The following TBC1D5 variants were observed in gnomAD, a reference collection of about 807,000 sequenced individuals.
TBC1D5 encodes TBC1 domain family, member 5.
TBC1D5 carries 75 observed loss-of-function variants against 100.3 expected under a neutral mutation model. That is an observed-to-expected ratio of 0.75 (90% CI 0.62 to 0.91). The LOEUF (loss-of-function observed/expected upper bound fraction) is 0.91, where lower values mean the gene tolerates loss of function less well. TBC1D5 is among the 40% of genes least tolerant of loss of function. The probability of loss-of-function intolerance (pLI) is 0.00; values close to 1 mark genes in which losing one functional copy is unlikely to be tolerated. For missense variants in TBC1D5, 910 were observed against 942.4 expected (o/e 0.97, Z 0.45); for synonymous variants, 323 against 325.6 (o/e 0.99, Z 0.09).
intron 8 of TBC1D5, 96 bp from the exon 9 acceptor site, chr3:17,384,111 GT>G: frequency 9.5e-7 from 1 of 1,057,152 alleles, no homozygotes; most frequent in Non-Finnish European, 1.4e-6. Flanking sequence ...GCTGCTTCAG[GT>G]TTTAGAACAA....
intron 1 of TBC1D5, among the ~76,000 whole-genome samples, chr3:17,697,644 T>C (rs562988326): frequency 3.9e-5 from 6 of 152,300 alleles, no homozygotes; most frequent in African/African-American, 1.2e-4. Context: ...CGCTCACGGA[T>C]AGGAAGAATC....
chr3:17,512,004 A>AT (rs912050752), intron 2 of TBC1D5, among the ~76,000 whole-genome samples: 11 of 151,772 alleles, frequency 7.2e-5, no homozygotes, highest in Non-Finnish European at 1.5e-4. Flanking sequence ...TGCTGCTTTC[A>AT]TTTTTTTTAT....
At chr3:17,725,371 A>C (rs1033705319) in intron 1 of TBC1D5, among the ~76,000 whole-genome samples, 1 of 151,966 alleles carries the variant, frequency 6.6e-6, no homozygotes, top group Non-Finnish European at 1.5e-5. Flanking sequence ...TGTTATAACT[A>C]CTTAGGAGCG....
intron 13 of TBC1D5, among the ~76,000 whole-genome samples, chr3:17,342,883 T>C (rs1288048507): frequency 6.6e-6 from 1 of 152,220 alleles, no homozygotes; most frequent in African/African-American, 2.4e-5. Flanking sequence ...CTTATATGTA[T>C]ATACTATTAC....
At chr3:17,191,808 G>C (rs1304949311) in intron 18 of TBC1D5, among the ~76,000 whole-genome samples, 1 of 151,418 alleles carries the variant, frequency 6.6e-6, no homozygotes, top group South Asian at 2.1e-4. Context: ...ATTTTTAGTA[G>C]AGATGGGGTT....
intron 2 of TBC1D5, among the ~76,000 whole-genome samples, chr3:17,584,883 C>T (rs777653707): frequency 6.6e-6 from 1 of 152,158 alleles, no homozygotes; most frequent in Non-Finnish European, 1.5e-5. Flanking sequence ...TTCTCGAACT[C>T]CTGACCTCGT....
intron 2 of TBC1D5, among the ~76,000 whole-genome samples, chr3:17,553,890 C>A (rs2096494002): frequency 6.6e-6 from 1 of 152,152 alleles, no homozygotes; most frequent in Non-Finnish European, 1.5e-5. Context: ...TGACAACAAT[C>A]CAAGTATTTA....
chr3:17,672,027 G>A (rs1029028202), intron 1 of TBC1D5, among the ~76,000 whole-genome samples: 1 of 152,186 alleles, frequency 6.6e-6, no homozygotes, highest in Non-Finnish European at 1.5e-5. Flanking sequence ...TCTAACATTC[G>A]GCATTCTATA....
chr3:17,232,103 G>A (rs989565294), intron 17 of TBC1D5, among the ~76,000 whole-genome samples: 75 of 152,198 alleles, frequency 4.9e-4, no homozygotes, highest in African/African-American at 1.8e-3. Context: ...TATATAACAC[G>A]AGGTATTTGA....
intron 2 of TBC1D5, among the ~76,000 whole-genome samples, chr3:17,551,918 G>C (rs1438743621): frequency 6.6e-6 from 1 of 152,060 alleles, no homozygotes; most frequent in Non-Finnish European, 1.5e-5. Context: ...GAAATTCACA[G>C]ATGAAGTTTT....
chr3:17,590,949 A>C (rs2096763271), intron 2 of TBC1D5, among the ~76,000 whole-genome samples: 1 of 152,072 alleles, frequency 6.6e-6, no homozygotes, highest in South Asian at 2.1e-4. Flanking sequence ...TCATAAAAAC[A>C]GAGAATCGGG....
intron 13 of TBC1D5, among the ~76,000 whole-genome samples, chr3:17,317,135 A>G (rs1332959048): frequency 6.6e-6 from 1 of 152,236 alleles, no homozygotes; most frequent in African/African-American, 2.4e-5. Flanking sequence ...AACTAATGGC[A>G]ACATTAGCAA....
intron 3 of TBC1D5, among the ~76,000 whole-genome samples, chr3:17,482,931 T>C (rs2095517767): frequency 6.6e-6 from 1 of 152,124 alleles, no homozygotes; most frequent in African/African-American, 2.4e-5. Flanking sequence ...ATGCCCTCAG[T>C]ATGGTGTTCA....
At chr3:17,219,682 T>C (rs1307042684) in intron 17 of TBC1D5, among the ~76,000 whole-genome samples, 2 of 152,054 alleles carry the variant, frequency 1.3e-5, no homozygotes, top group African/African-American at 4.8e-5. Flanking sequence ...CCAGATACAT[T>C]GTGCATCCTC....
At chr3:17,655,238 T>C (rs371946353) in intron 1 of TBC1D5, among the ~76,000 whole-genome samples, 8 of 139,036 alleles carry the variant, frequency 5.8e-5, no homozygotes, top group Non-Finnish European at 1.2e-4. Context: ...TTCTCACTCA[T>C]AGGTGGGAAT....
intron 14 of TBC1D5, among the ~76,000 whole-genome samples, chr3:17,303,581 A>G (rs1169422199): frequency 6.6e-6 from 1 of 152,058 alleles, no homozygotes; most frequent in East Asian, 1.9e-4. Context: ...ATTCCCCTTC[A>G]CGTACTCCAA....
At chr3:17,542,125 A>G (rs1056074576) in intron 2 of TBC1D5, among the ~76,000 whole-genome samples, 7 of 151,974 alleles carry the variant, frequency 4.6e-5, no homozygotes, top group Non-Finnish European at 7.4e-5. Context: ...CCATCTCTAT[A>G]AGAATTTTTT....
intron 3 of TBC1D5, among the ~76,000 whole-genome samples, chr3:17,493,236 T>A (rs2095661414): frequency 6.6e-6 from 1 of 152,152 alleles, no homozygotes; most frequent in Admixed American, 6.5e-5. Context: ...GAAATTATTT[T>A]TTTTTTTTTT....
At chr3:17,314,192 C>A (rs2084385132) in intron 13 of TBC1D5, among the ~76,000 whole-genome samples, 1 of 152,138 alleles carries the variant, frequency 6.6e-6, no homozygotes, top group Non-Finnish European at 1.5e-5. Flanking sequence ...TCTCTCTTCT[C>A]CAGCAGGATC....
Sources: allele counts gnomAD v4.1 joint callset (sites outside exome capture counted in the v4.1 genomes callset), GRCh38; gene constraint gnomAD v4.1.1; transcripts MANE v1.5; gene names NCBI Gene and HGNC (gene_info 2026-07-23, HGNC 2026-07-21).